Variants in IKZF3 observed in about 807,000 individuals in gnomAD.
The protein encoded by IKZF3 is IKAROS family zinc finger 3, also known as zinc finger protein Aiolos.
In IKZF3, 10 loss-of-function variants were observed where a neutral mutation model predicts 49.0. The ratio of observed to expected loss-of-function variants is 0.20; its 90% CI spans 0.13 to 0.35. The LOEUF (loss-of-function observed/expected upper bound fraction) is 0.35. IKZF3 is among the 10% of genes least tolerant of loss of function. The probability of loss-of-function intolerance (pLI) is 1.00; values close to 1 mark genes in which losing one functional copy is unlikely to be tolerated. For missense variants in IKZF3, 498 were observed against 664.8 expected, an observed-to-expected ratio of 0.75 and a Z score of 2.76; for synonymous variants, 209 against 228.2, an observed-to-expected ratio of 0.92 and a Z score of 0.76.
chr17:39,857,591 T>G (rs1248819430), intron 1 of IKZF3, among the ~76,000 whole-genome samples: 9 of 152,198 alleles, frequency 5.9e-5, no homozygotes. Flanking sequence ...GCATTGGATT[T>G]AGCCAATACT....
At chr17:39,815,387 C>G (rs549240635) in intron 3 of IKZF3, among the ~76,000 whole-genome samples, 6 of 152,212 alleles carry the variant, frequency 3.9e-5, no homozygotes, top group Non-Finnish European at 8.8e-5. Context: ...TCCACCATCT[C>G]GAGTCTTATC....
chr17:39,843,432 C>T (rs1486710761), intron 1 of IKZF3, among the ~76,000 whole-genome samples: 3 of 148,350 alleles, frequency 2.0e-5, no homozygotes, highest in African/African-American at 7.6e-5. Context: ...AGATTCTTAA[C>T]GGAGGGAAAA....
rs1398155658 is a variant in IKZF3 at position 39,834,870 on chromosome 17, C to G, written c.8-2719G>C. Reference sequence around the variant, plus strand: ...TTAGGGCTGAGCCTCAGGTGGGTCTCCTGTTCCCTATACTCCCCTGCACAG... The same window carrying G: ...TTAGGGCTGAGCCTCAGGTGGGTCTGCTGTTCCCTATACTCCCCTGCACAG... On this transcript the variant is annotated intron_variant, in intron 1 of 7. Transcript: ENST00000346872. 2.6e-5 allele frequency among the ~76,000 whole-genome samples: 4 copies of G among 152,170 alleles called. No homozygotes were observed. In the East Asian group the frequency reaches 7.7e-4, roughly 29 times the overall value.
At chr17:39,800,187 T>G (rs1371034269) in intron 3 of IKZF3, among the ~76,000 whole-genome samples, 1 of 152,228 alleles carries the variant, frequency 6.6e-6, no homozygotes, top group Non-Finnish European at 1.5e-5. Context: ...ATCTCATGTT[T>G]TGGTTTTGTA....
rs565822442 is a variant in IKZF3 at position 39,767,605 on chromosome 17, A to C, written c.827-1112T>G. ...TCATGTTGAGATTCCAAAATTTGTC[A>C]CTGCCCTACAGTAAAGGGTTCAGCA... On this transcript the variant is annotated intron_variant, in intron 7 of 7. Transcript: ENST00000346872. Among the ~76,000 whole-genome samples the C allele has an allele frequency of 2.6e-5, 4 of 152,202 alleles. No homozygotes were observed. In the South Asian group the frequency reaches 8.3e-4, roughly 32 times the overall value.
At chr17:39,859,895 A>G (rs2063168319) in intron 1 of IKZF3, among the ~76,000 whole-genome samples, 1 of 152,144 alleles carries the variant, frequency 6.6e-6, no homozygotes, top group Admixed American at 6.5e-5. Flanking sequence ...CTTCTCATAC[A>G]TGGTCTGGAA....
chr17:39,775,087 G>A (rs998844099), intron 7 of IKZF3, among the ~76,000 whole-genome samples: 3 of 152,022 alleles, frequency 2.0e-5, no homozygotes, highest in African/African-American at 7.3e-5. Flanking sequence ...GAGAGGCCCA[G>A]AAAGGTTCTG....
chr17:39,805,809 A>G (rs2144045288), intron 3 of IKZF3, among the ~76,000 whole-genome samples: 1 of 152,334 alleles, frequency 6.6e-6, no homozygotes, highest in East Asian at 1.9e-4. Flanking sequence ...TCTACTGGAA[A>G]CTGCAGAGGG....
intron 3 of IKZF3, among the ~76,000 whole-genome samples, chr17:39,802,245 A>G (rs951796029): frequency 1.1e-4 from 17 of 149,536 alleles, no homozygotes; most frequent in South Asian, 8.4e-4. Flanking sequence ...AAAAAAAAAA[A>G]AGAGAGATGA....
chr17:39,791,618 C>G, intron 4 of IKZF3, 35 bp from the exon 5 acceptor site: 1 of 1,607,764 alleles, frequency 6.2e-7, no homozygotes, highest in Non-Finnish European at 8.5e-7. Flanking sequence ...TTTCTGGTCA[C>G]AGGCAAGTGG....
chr17:39,839,790 G>A (rs2062411818), intron 1 of IKZF3, among the ~76,000 whole-genome samples: 1 of 151,880 alleles, frequency 6.6e-6, no homozygotes. Context: ...CTCTCGAGTA[G>A]CTGGGACTAC....
chr17:39,834,382 A>C (rs1282205148), intron 1 of IKZF3, among the ~76,000 whole-genome samples: 1 of 152,164 alleles, frequency 6.6e-6, no homozygotes, highest in East Asian at 1.9e-4. Flanking sequence ...TCTAATTGTA[A>C]ACATTTAAAG....
At chr17:39,860,979 ACT>A (rs1323147425) in intron 1 of IKZF3, among the ~76,000 whole-genome samples, 1 of 152,246 alleles carries the variant, frequency 6.6e-6, no homozygotes, top group Non-Finnish European at 1.5e-5. Flanking sequence ...TTAAAAAATT[ACT>A]GAGCTTTATC....
At position 39,762,953 on chromosome 17, in the gene IKZF3, G is replaced by T. The variant is rs1402959555; in HGVS notation, c.*2837C>A. ...ACTTGAACACTAATCTGGTGGAAAG[G>T]CTTCCTTTCCCTCGTTTTCTCTTCT... On this transcript the variant is annotated 3_prime_UTR_variant, in exon 8 of 8. Coordinates refer to ENST00000346872, the MANE Select transcript of IKZF3 (RefSeq NM_012481.5). 6.6e-6 allele frequency: 1 copy of T among 152,160 alleles called. No homozygotes were observed. Among genetic ancestry groups the T allele is most frequent in the African/African-American group, 2.4e-5 (1 of 41,432 alleles). 9.4% of individuals were successfully genotyped at this position (152,160 alleles called of 1,614,324 possible). A position where few individuals can be genotyped will look rare whatever the true frequency, so the allele number is the denominator to read the frequency against.
At chr17:39,793,388 T>C (rs2061079181) in intron 3 of IKZF3, among the ~76,000 whole-genome samples, 1 of 152,172 alleles carries the variant, frequency 6.6e-6, no homozygotes, top group Non-Finnish European at 1.5e-5. Flanking sequence ...GTGTAAGCCA[T>C]TAAGATTAAG....
chr17:39,783,234 G>A (rs2060789340), intron 6 of IKZF3, among the ~76,000 whole-genome samples: 1 of 152,164 alleles, frequency 6.6e-6, no homozygotes, highest in African/African-American at 2.4e-5. Flanking sequence ...ACAAGAGATT[G>A]GTATCAAAGA....
chr17:39,806,856 C>A (rs2061441637), intron 3 of IKZF3, among the ~76,000 whole-genome samples: 1 of 152,212 alleles, frequency 6.6e-6, no homozygotes, highest in African/African-American at 2.4e-5. Context: ...CTCTCTCTCT[C>A]TTTCTCTCTG....
intron 7 of IKZF3, among the ~76,000 whole-genome samples, chr17:39,775,663 G>A (rs954610761): frequency 1.3e-4 from 20 of 152,120 alleles, no homozygotes; most frequent in African/African-American, 4.1e-4. Flanking sequence ...AGTGGCTCAC[G>A]CCTGTAATCC....
chr17:39,775,465 A>G (rs1451728437), intron 7 of IKZF3, among the ~76,000 whole-genome samples: 1 of 152,250 alleles, frequency 6.6e-6, no homozygotes, highest in Non-Finnish European at 1.5e-5. Flanking sequence ...GAATTTGCAC[A>G]TATGAAACAT....
Sources: allele counts gnomAD v4.1 joint callset (sites outside exome capture counted in the v4.1 genomes callset), GRCh38; gene constraint gnomAD v4.1.1; transcripts MANE v1.5; gene names NCBI Gene and HGNC (gene_info 2026-07-23, HGNC 2026-07-21).